Variants in RBMS1 observed in about 807,000 individuals in gnomAD.
RBMS1 encodes the protein RNA binding motif single stranded interacting protein 1, also known as RNA-binding motif, single-stranded-interacting protein 1.
In RBMS1, 17 loss-of-function variants were observed where a neutral mutation model predicts 62.3. The observed-to-expected ratio is 0.27, with a 90% confidence interval of 0.19 to 0.41. The LOEUF (loss-of-function observed/expected upper bound fraction) is 0.41, where lower values mean the gene tolerates loss of function less well. RBMS1 is among the 10% of genes least tolerant of loss of function. The pLI, the probability that RBMS1 is intolerant of heterozygous loss-of-function variation, is 1.00. For missense variants in RBMS1, 334 were observed against 504.5 expected, an observed-to-expected ratio of 0.66 and a Z score of 3.24; for synonymous variants, 172 against 170.0, an observed-to-expected ratio of 1.01 and a Z score of -0.09.
chr2:160,343,110 C>A (rs191755188), intron 2 of RBMS1, among the ~76,000 whole-genome samples: 5 of 152,262 alleles, frequency 3.3e-5, no homozygotes, highest in Admixed American at 3.3e-4. Context: ...AAGACCACTG[C>A]CAGCTGGGCA....
intron 1 of RBMS1, among the ~76,000 whole-genome samples, chr2:160,422,547 C>A (rs1696475285): frequency 6.6e-6 from 1 of 152,088 alleles, no homozygotes; most frequent in Non-Finnish European, 1.5e-5. Flanking sequence ...TAAGTTTCTC[C>A]CTCATTCTCT....
At chr2:160,319,439 G>A (rs1364046332) in intron 2 of RBMS1, among the ~76,000 whole-genome samples, 1 of 152,188 alleles carries the variant, frequency 6.6e-6, no homozygotes, top group African/African-American at 2.4e-5. Flanking sequence ...ATGAACCGGG[G>A]AGGCGGAGAT....
intron 2 of RBMS1, among the ~76,000 whole-genome samples, chr2:160,335,208 A>G (rs2105988073): frequency 6.6e-6 from 1 of 152,278 alleles, no homozygotes; most frequent in African/African-American, 2.4e-5. Context: ...ATTTAGGGGG[A>G]AATTTTTTAA....
intron 7 of RBMS1, among the ~76,000 whole-genome samples, chr2:160,285,967 C>T (rs1483221539): frequency 4.6e-5 from 7 of 151,622 alleles, no homozygotes; most frequent in Non-Finnish European, 8.8e-5. Context: ...AAAAATTAGC[C>T]GCGCATGGTG....
intron 10 of RBMS1, chr2:160,279,897 T>C (rs1176500510): frequency 1.3e-5 from 2 of 152,212 alleles, no homozygotes; most frequent in Non-Finnish European, 2.9e-5. Context: ...CTCAAAGATG[T>C]TAAGCTCAGA....
At position 160,438,260 on chromosome 2, in the gene RBMS1, TC is replaced by T. The variant is rs371160228; in HGVS notation, c.75+55028del. On this transcript the variant is annotated intron_variant, in intron 1 of 13. Transcript: ENST00000348849. ...GGCAATCTTCAGAGGCTCAATACTT[TC>T]TTTTTTTTTTTTTTTTTATTGATCA... 2.0e-3 allele frequency among the ~76,000 whole-genome samples: 147 copies of T among 73,402 alleles called. No individual in the cohort carries two copies. In the East Asian group the frequency reaches 0.095, roughly 48 times the overall value. The allele number at this position is 73,402 out of a possible 152,430, so 48.2% of individuals were successfully genotyped here.
intron 1 of RBMS1, among the ~76,000 whole-genome samples, chr2:160,444,674 T>A (rs939326858): frequency 6.6e-6 from 1 of 152,222 alleles, no homozygotes; most frequent in African/African-American, 2.4e-5. Flanking sequence ...TTACTCCTAC[T>A]ATGACTGTAT....
chr2:160,400,318 A>T (rs1048279750), intron 1 of RBMS1, among the ~76,000 whole-genome samples: 6 of 151,514 alleles, frequency 4.0e-5, no homozygotes, highest in South Asian at 2.1e-4. Flanking sequence ...AAATTAAATT[A>T]AATTTAAAAA....
chr2:160,464,847 T>G (rs1684621031), intron 1 of RBMS1, among the ~76,000 whole-genome samples: 1 of 152,334 alleles, frequency 6.6e-6, no homozygotes, highest in African/African-American at 2.4e-5. Context: ...GACTAATTCT[T>G]ATTTAAGAAT....
intron 2 of RBMS1, among the ~76,000 whole-genome samples, chr2:160,341,267 G>A (rs1471298372): frequency 1.3e-5 from 2 of 152,038 alleles, no homozygotes; most frequent in Non-Finnish European, 2.9e-5. Context: ...TTATTTCTGA[G>A]TATTTATATT....
chr2:160,456,050 G>A (rs955740895), intron 1 of RBMS1, among the ~76,000 whole-genome samples: 1 of 152,150 alleles, frequency 6.6e-6, no homozygotes, highest in Non-Finnish European at 1.5e-5. Context: ...ATCAGTGAAA[G>A]AAAAAGAAAT....
chr2:160,325,617 T>C (rs988878363), intron 2 of RBMS1, among the ~76,000 whole-genome samples: 6 of 152,192 alleles, frequency 3.9e-5, no homozygotes, highest in Non-Finnish European at 7.3e-5. Context: ...AAAACTTGCT[T>C]TAGCTCTTTC....
At chr2:160,312,174 G>A (rs1210370473) in intron 4 of RBMS1, among the ~76,000 whole-genome samples, 1 of 152,098 alleles carries the variant, frequency 6.6e-6, no homozygotes, top group Non-Finnish European at 1.5e-5. Context: ...ATCATGTAAG[G>A]CCAACTTTTT....
At chr2:160,401,323 C>T (rs1281711527) in intron 1 of RBMS1, among the ~76,000 whole-genome samples, 4 of 152,166 alleles carry the variant, frequency 2.6e-5, no homozygotes, top group African/African-American at 9.7e-5. Flanking sequence ...CTGTGTAACA[C>T]CAAGTTTCTT....
At chr2:160,358,276 C>T (rs565076072) in intron 2 of RBMS1, among the ~76,000 whole-genome samples, 1 of 152,168 alleles carries the variant, frequency 6.6e-6, no homozygotes, top group African/African-American at 2.4e-5. Context: ...GAATACTGTC[C>T]ATGATGAGAG....
chr2:160,333,531 G>A (rs1691396466), intron 2 of RBMS1, among the ~76,000 whole-genome samples: 1 of 152,084 alleles, frequency 6.6e-6, no homozygotes. Flanking sequence ...GCCTACACTG[G>A]GCTCAGTAAT....
intron 2 of RBMS1, among the ~76,000 whole-genome samples, chr2:160,337,813 C>G (rs1691660341): frequency 6.6e-6 from 1 of 152,162 alleles, no homozygotes; most frequent in Non-Finnish European, 1.5e-5. Context: ...AGGGAAGCCA[C>G]TAGCTCTTAG....
At chr2:160,289,013 C>A (rs1688548570) in intron 6 of RBMS1, among the ~76,000 whole-genome samples, 1 of 152,030 alleles carries the variant, frequency 6.6e-6, no homozygotes, top group Non-Finnish European at 1.5e-5. Flanking sequence ...GACCCTGATG[C>A]CTGCCTAAGC....
intron 1 of RBMS1, among the ~76,000 whole-genome samples, chr2:160,428,576 A>C (rs950484559): frequency 3.3e-5 from 5 of 152,212 alleles, no homozygotes; most frequent in African/African-American, 1.2e-4. Flanking sequence ...TACTGTGGGT[A>C]GGAGAACAGA....
Sources: gnomAD v4.1 joint callset for allele counts (sites outside exome capture counted in the v4.1 genomes callset) on GRCh38, gnomAD v4.1.1 for gene constraint, MANE v1.5 for transcripts, NCBI Gene and HGNC (gene_info 2026-07-23, HGNC 2026-07-21) for gene names.